The following AGBL1 variants were observed in gnomAD, a reference collection of about 807,000 sequenced individuals.
AGBL1 encodes AGBL carboxypeptidase 1.
AGBL1 carries 130 observed loss-of-function variants against 118.9 expected under a neutral mutation model. The ratio of observed to expected loss-of-function variants is 1.09; its 90% CI spans 0.95 to 1.26. The LOEUF is 1.26. Among genes scored for constraint, AGBL1 ranks in the 50% most tolerant of loss-of-function variants. The probability of loss-of-function intolerance (pLI) is 0.00; values close to 1 mark genes in which losing one functional copy is unlikely to be tolerated. For synonymous variants in AGBL1, 555 were observed against 478.9 expected (o/e 1.16, Z -2.08); for missense variants, 1,584 against 1,298.1 (o/e 1.22, Z -3.38).
chr15:86,468,493 C>A (rs550441908), intron 18 of AGBL1, among the ~76,000 whole-genome samples: 1 of 152,274 alleles, frequency 6.6e-6, no homozygotes, highest in African/African-American at 2.4e-5. Context: ...GGCAGGTCAC[C>A]TTCCCCACAG....
intron 17 of AGBL1, among the ~76,000 whole-genome samples, chr15:86,395,686 G>A (rs1182239370): frequency 6.7e-6 from 1 of 148,350 alleles, no homozygotes; most frequent in Non-Finnish European, 1.5e-5. Flanking sequence ...TTTCACCGTA[G>A]TCAGTAAAAA....
At chr15:86,500,140 A>G (rs1367038696) in intron 18 of AGBL1, among the ~76,000 whole-genome samples, 2 of 151,888 alleles carry the variant, frequency 1.3e-5, no homozygotes, top group African/African-American at 4.8e-5. Context: ...TAAAGAATAG[A>G]CAGATACCTG....
At chr15:86,975,448 C>A (rs185598606) in intron 23 of AGBL1, among the ~76,000 whole-genome samples, 115 of 152,204 alleles carry the variant, frequency 7.6e-4, no homozygotes, top group African/African-American at 2.6e-3. Context: ...CCACAGGGCC[C>A]CTCCCACGAC....
chr15:86,348,209 A>G (rs961280193), intron 17 of AGBL1, among the ~76,000 whole-genome samples: 7 of 152,252 alleles, frequency 4.6e-5, no homozygotes, highest in African/African-American at 1.7e-4. Flanking sequence ...CAGCAAGAAT[A>G]AGAAAATAAA....
intron 22 of AGBL1, among the ~76,000 whole-genome samples, chr15:86,796,183 C>T: frequency 6.6e-6 from 1 of 152,274 alleles, no homozygotes; most frequent in East Asian, 1.9e-4. Context: ...GCATTCTCTT[C>T]TCATTCTTTC....
At chr15:86,716,578 A>G (rs2086641798) in intron 22 of AGBL1, among the ~76,000 whole-genome samples, 2 of 152,202 alleles carry the variant, frequency 1.3e-5, no homozygotes, top group Admixed American at 1.3e-4. Flanking sequence ...GCAAGAAAAT[A>G]GAAAAAGCAG....
chr15:86,495,311 AAAACG>A (rs2082834852), intron 18 of AGBL1, among the ~76,000 whole-genome samples: 1 of 151,858 alleles, frequency 6.6e-6, no homozygotes, highest in South Asian at 2.1e-4. Flanking sequence ...AATTCAAAAC[AAAACG>A]AAACTCTAAT....
chr15:86,175,380 C>T (rs76724799), intron 5 of AGBL1, among the ~76,000 whole-genome samples: 2,410 of 152,052 alleles, frequency 0.016, 28 homozygotes, highest in East Asian at 0.07. Flanking sequence ...TCATTTCTGA[C>T]TTTATTTATT....
At chr15:86,443,782 ACT>A (rs745307596) in intron 18 of AGBL1, among the ~76,000 whole-genome samples, 36 of 151,806 alleles carry the variant, frequency 2.4e-4, no homozygotes, top group Non-Finnish European at 4.3e-4. Flanking sequence ...ACAAGATTTC[ACT>A]CTTTTTATGA....
In AGBL1 at chr15:86,791,469, G is replaced by A. The variant is rs74025490; in HGVS notation, c.3159-115618G>A. Among the ~76,000 whole-genome samples the A allele has an allele frequency of 3.4e-3, 522 of 152,168 alleles. 6 individuals are homozygous for A. Among genetic ancestry groups the A allele is most frequent in the African/African-American group, 0.012 (490 of 41,514 alleles). On this transcript the variant is annotated intron_variant, in intron 22 of 22. Coordinates refer to ENST00000614907, the MANE Select transcript of AGBL1 (RefSeq NM_001386094.1). ...CGGTAAATGCCCACCTGTATCCTTA[G>A]GCAGGAAAGCTGGCCACAATGGCCT...
chr15:86,919,600 A>G (rs12906179), downstream of AGBL1, among the ~76,000 whole-genome samples: 12,266 of 148,008 alleles, frequency 0.083, 897 homozygotes, highest in East Asian at 0.22. Context: ...ACACACACAC[A>G]CACACACACA....
At chr15:86,700,510 C>CACAA (rs2086339379) in intron 22 of AGBL1, among the ~76,000 whole-genome samples, 2 of 44,750 alleles carry the variant, frequency 4.5e-5, no homozygotes, top group Non-Finnish European at 7.7e-5. Context: ...CACACACACA[C>CACAA]AAAATCTCTC....
chr15:86,273,782 T>C lies in AGBL1; in HGVS notation c.2075+2076T>C, dbSNP rs1039556047. Among the ~76,000 whole-genome samples, 6 of 152,324 alleles carry C rather than the reference T, an allele frequency of 3.9e-5. No individual in the cohort carries two copies. In the East Asian group the frequency reaches 1.2e-3, roughly 29 times the overall value. Reference sequence around the variant, plus strand: ...GATTTGGTGCCATGTTTTAAGAGGATGCCAGGGTGCTCACTGTGGGGACAA... The same window carrying C: ...GATTTGGTGCCATGTTTTAAGAGGACGCCAGGGTGCTCACTGTGGGGACAA... On this transcript the variant is annotated intron_variant, in intron 15 of 22. Coordinates refer to ENST00000614907, the MANE Select transcript of AGBL1 (RefSeq NM_001386094.1).
chr15:86,435,267 T>C (rs1479129003), intron 18 of AGBL1, among the ~76,000 whole-genome samples: 1 of 152,202 alleles, frequency 6.6e-6, no homozygotes, highest in Non-Finnish European at 1.5e-5. Context: ...TTTCACTGTT[T>C]TAGCTCTGAG....
chr15:86,669,064 A>G (rs2085695687), intron 21 of AGBL1, among the ~76,000 whole-genome samples: 1 of 152,176 alleles, frequency 6.6e-6, no homozygotes, highest in African/African-American at 2.4e-5. Context: ...TGAAGAAAAG[A>G]GCGCTAACAC....
intron 5 of AGBL1, among the ~76,000 whole-genome samples, chr15:86,174,042 C>G (rs2077450242): frequency 6.6e-6 from 1 of 151,958 alleles, no homozygotes; most frequent in Non-Finnish European, 1.5e-5. Flanking sequence ...GTAGTATAGT[C>G]TCAAGATTAA....
chr15:86,691,581 G>A (rs1349348345), intron 22 of AGBL1, among the ~76,000 whole-genome samples: 1 of 152,102 alleles, frequency 6.6e-6, no homozygotes, highest in East Asian at 1.9e-4. Flanking sequence ...AAAATGCCAG[G>A]AACAAGGATC....
rs1297304440 is a variant in AGBL1 at position 86,635,294 on chromosome 15, CCCCTCCCCTCCTCCTCCT to C, written c.2995-38976_2995-38959del. Among the ~76,000 whole-genome samples the C allele has an allele frequency of 2.8e-4, 11 of 38,858 alleles. 1 individual carries two copies. The highest frequency in any genetic ancestry group is 8.0e-4 in the Admixed American group (3 of 3,758). The allele number at this position is 38,858 out of a possible 152,430, so 25.5% of individuals were successfully genotyped here. On this transcript the variant is annotated intron_variant, in intron 21 of 22. Transcript: ENST00000614907. ...CCTCCTCCTCCTTCCCCTCCCCCTC[CCCCTCCCCTCCTCCTCCT>C]CCTCCTCCTCCTCCTCCTCCTCCTC... is the stretch of plus-strand genomic sequence containing the variant.
At position 86,314,539 on chromosome 15, in the gene AGBL1, T is replaced by C. The variant is rs187022742; in HGVS notation, c.2374+19131T>C. Among the ~76,000 whole-genome samples the C allele has an allele frequency of 1.4e-3, 216 of 152,266 alleles. 3 individuals are homozygous for C. Among genetic ancestry groups the C allele is most frequent in the Non-Finnish European group, 8.8e-4 (60 of 68,018 alleles). ...GGAGAAATTCTATGGCCCCTTCCTCTATGGTGGGTCTCTTTGCACAGACAT... is the reference window on the plus strand; with the variant it reads ...GGAGAAATTCTATGGCCCCTTCCTCCATGGTGGGTCTCTTTGCACAGACAT... On this transcript the variant is annotated intron_variant, in intron 17 of 22. Transcript: ENST00000614907.
Sources: gnomAD v4.1 joint callset for allele counts (sites outside exome capture counted in the v4.1 genomes callset) on GRCh38, gnomAD v4.1.1 for gene constraint, MANE v1.5 for transcripts, NCBI Gene and HGNC (gene_info 2026-07-23, HGNC 2026-07-21) for gene names.